The following CELA2A variants were observed in gnomAD, a reference collection of about 807,000 sequenced individuals.
CELA2A encodes the protein chymotrypsin-like elastase family member 2A.
Under a neutral mutation model 35.3 loss-of-function variants are expected in CELA2A, and 31 were observed. The ratio of observed to expected loss-of-function variants is 0.88; its 90% CI spans 0.66 to 1.19. The LOEUF is 1.19. CELA2A is among the 50% of genes most tolerant of loss of function. The pLI, the probability that CELA2A is intolerant of heterozygous loss-of-function variation, is 0.00. For synonymous variants in CELA2A, 150 were observed against 149.8 expected (o/e 1.00, Z -0.01); for missense variants, 330 against 352.9 (o/e 0.94, Z 0.52).
intron 5 of CELA2A, 149 bp from the exon 6 acceptor site, chr1:15,465,850 A>C: frequency 1.1e-6 from 1 of 902,136 alleles, no homozygotes; most frequent in East Asian, 2.4e-5. Context: ...TGAACCAATC[A>C]ACCGTGAGGA....
chr1:15,464,560 TATA>T (rs1306055460), intron 5 of CELA2A, among the ~76,000 whole-genome samples: 1 of 152,160 alleles, frequency 6.6e-6, no homozygotes, highest in Non-Finnish European at 1.5e-5. Flanking sequence ...AACCCATAAG[TATA>T]ATGACATGTT....
rs564409133 is a variant in CELA2A, at chr1:15,471,994, T to C, written c.797T>C (p.Ile266Thr). Residue 266 changes from isoleucine to threonine, a missense_variant, in exon 8 of 8, where the codon ATT (isoleucine) becomes ACT (threonine). Ile to Thr is a moderately conservative substitution (Grantham distance 89, BLOSUM62 -1). Coordinates refer to ENST00000359621, the MANE Select transcript of CELA2A (RefSeq NM_033440.3). ...ATTATCTTGTGTGTCCTGCAGGTGA[T>C]TGCAAATAACTAACCAAAAGAAGTC... The part of the protein sequence containing the change: ...SNYIDWINSV[I>T]ANN 1.0e-4 allele frequency: 169 copies of C among 1,614,052 alleles called. 2 individuals are homozygous for C. The South Asian group carries it at 1.6e-3, about 15-fold the overall frequency.
In CELA2A at chr1:15,466,065, C is replaced by G. The variant is rs1337546257; in HGVS notation, c.560C>G (p.Ser187Cys). ...CTGGTTGTGGACTATGCCACCTGCT[C>G]CAGCTCTGCCTGGTGGGGCAGCAGC... ...RLLVVDYATC[S>C]SSAWWGSSVK... Residue 187 changes from serine (S) to cysteine (C), a missense_variant, in exon 6 of 8, where the codon TCC (serine) becomes TGC (cysteine). Coordinates refer to ENST00000359621, the MANE Select transcript of CELA2A (RefSeq NM_033440.3). 2 of 1,614,146 alleles carry G rather than the reference C, an allele frequency of 1.2e-6. No individual in the cohort carries two copies. Among genetic ancestry groups the G allele is most frequent in the Non-Finnish European group, 1.7e-6 (2 of 1,180,046 alleles).
chr1:15,465,124 G>A (rs1209710962), intron 5 of CELA2A, among the ~76,000 whole-genome samples: 2 of 144,964 alleles, frequency 1.4e-5, no homozygotes, highest in East Asian at 2.1e-4. Context: ...CGATTCTCCT[G>A]CCTCAGCCTC....
chr1:15,467,315 T>C, intron 6 of CELA2A, 71 bp from the exon 7 acceptor site: 2 of 1,497,646 alleles, frequency 1.3e-6, no homozygotes, highest in Non-Finnish European at 1.8e-6. Flanking sequence ...TAGAAATGCA[T>C]TGAGAACAAT....
At position 15,462,166 on chromosome 1, in the gene CELA2A, C is replaced by T. The variant is rs140325962; in HGVS notation, c.227+508C>T. On this transcript the variant is annotated intron_variant, in intron 3 of 7. Transcript: ENST00000359621. ...TTGTTCACTTATCCTCTTCTTTGTC[C>T]GTGACCTCTGCTCATCACAGCTGGA... The T allele has an allele frequency of 6.0e-4, 283 of 470,228 alleles. No homozygotes were observed. In the Middle Eastern group the frequency reaches 7.6e-3, roughly 13 times the overall value. The allele number at this position is 470,228 out of a possible 1,614,324, so 29.1% of individuals were successfully genotyped here. A position where few individuals can be genotyped will look rare whatever the true frequency, so the allele number is the denominator to read the frequency against.
At chr1:15,460,989 T>C (rs1175714379) in intron 2 of CELA2A, among the ~76,000 whole-genome samples, 2 of 152,222 alleles carry the variant, frequency 1.3e-5, no homozygotes, top group South Asian at 2.1e-4. Flanking sequence ...AGGAAACTTA[T>C]AATCATGGCA....
intron 6 of CELA2A, among the ~76,000 whole-genome samples, chr1:15,467,066 C>A (rs1257546709): frequency 6.6e-6 from 1 of 152,200 alleles, no homozygotes; most frequent in Non-Finnish European, 1.5e-5. Flanking sequence ...GCCTGTGCAA[C>A]CTTGGGCAAG....
At chr1:15,460,392 C>A (rs1188919473) in intron 2 of CELA2A, among the ~76,000 whole-genome samples, 2 of 152,104 alleles carry the variant, frequency 1.3e-5, no homozygotes. Context: ...TAATGTCACA[C>A]AAACGAGAAA....
intron 7 of CELA2A, 68 bp from the exon 8 acceptor site, chr1:15,471,922 A>G (rs1338821217): frequency 1.2e-6 from 2 of 1,602,580 alleles, no homozygotes; most frequent in Non-Finnish European, 1.7e-6. Flanking sequence ...AGGAGGACAG[A>G]GACAGGAAAC....
chr1:15,471,118 G>A (rs1187825688), intron 7 of CELA2A, among the ~76,000 whole-genome samples: 1 of 152,160 alleles, frequency 6.6e-6, no homozygotes, highest in Non-Finnish European at 1.5e-5. Context: ...CAGCTTTCAT[G>A]TTTCCTATTT....
At position 15,462,590 on chromosome 1, in the gene CELA2A, C is replaced by T. The variant is rs879637608; in HGVS notation, c.228-143C>T. ...TTATATACTTTAGGCCCTATTATAACTAACTGATTGTCCCAGGGGAGGAAA... is the reference window on the plus strand; with the variant it reads ...TTATATACTTTAGGCCCTATTATAATTAACTGATTGTCCCAGGGGAGGAAA... On this transcript the variant is annotated intron_variant, in intron 3 of 7. Transcript: ENST00000359621. 8.3e-6 allele frequency: 8 copies of T among 969,632 alleles called. No individual in the cohort carries two copies. The Admixed American group carries it at 1.6e-4, about 20-fold the overall frequency. The allele number at this position is 969,632 out of a possible 1,614,324, so 60.1% of individuals were successfully genotyped here.
intron 2 of CELA2A, among the ~76,000 whole-genome samples, chr1:15,461,301 A>T (rs1159054387): frequency 6.6e-6 from 1 of 152,142 alleles, no homozygotes; most frequent in Admixed American, 6.5e-5. Context: ...GGCTCAAGTG[A>T]TCCTCCTTCC....
At chr1:15,465,187 T>C (rs1486436807) in intron 5 of CELA2A, among the ~76,000 whole-genome samples, 1 of 151,762 alleles carries the variant, frequency 6.6e-6, no homozygotes, top group African/African-American at 2.4e-5. Context: ...AATTTTTGTA[T>C]TTTAGTAGAG....
chr1:15,471,947 C>G (rs1708598951), intron 7 of CELA2A, 43 bp from the exon 8 acceptor site: 1 of 1,613,666 alleles, frequency 6.2e-7, no homozygotes. Flanking sequence ...ATGCACAGCT[C>G]TGCGGTTAGG....
intron 2 of CELA2A, chr1:15,457,429 T>A (rs766028658): frequency 4.7e-6 from 2 of 423,826 alleles, no homozygotes; most frequent in Non-Finnish European, 4.3e-6. Flanking sequence ...CTGGCCAACA[T>A]GGTGAAACCT....
chr1:15,457,042 G>A (rs1336396145), intron 1 of CELA2A, 44 bp from the exon 2 acceptor site: 1 of 1,569,070 alleles, frequency 6.4e-7, no homozygotes, highest in Non-Finnish European at 8.8e-7. Flanking sequence ...TTTACATTGT[G>A]TGGGTCGCTG....
intron 6 of CELA2A, 78 bp downstream of exon 6, chr1:15,466,222 A>G: frequency 6.7e-7 from 1 of 1,496,314 alleles, no homozygotes; most frequent in Non-Finnish European, 9.2e-7. Context: ...ATCCCTCCAT[A>G]GGTCCATCCT....
intron 2 of CELA2A, among the ~76,000 whole-genome samples, chr1:15,461,321 C>T (rs1224008045): frequency 6.6e-6 from 1 of 152,162 alleles, no homozygotes; most frequent in African/African-American, 2.4e-5. Flanking sequence ...CTTGGCCTCC[C>T]GAAGTGTTGG....
Sources: allele counts gnomAD v4.1 joint callset (sites outside exome capture counted in the v4.1 genomes callset), GRCh38; gene constraint gnomAD v4.1.1; transcripts MANE v1.5; gene names NCBI Gene and HGNC (gene_info 2026-07-23, HGNC 2026-07-21).